MYO15A: variants seen among roughly 807,000 people sequenced by gnomAD.
MYO15A encodes unconventional myosin-XV.
Under a neutral mutation model 394.6 loss-of-function variants are expected in MYO15A, and 308 were observed. The ratio of observed to expected loss-of-function variants is 0.78; its 90% CI spans 0.71 to 0.86. The LOEUF is 0.86. Among genes scored for constraint, MYO15A ranks in the 40% least tolerant of loss-of-function variants. The probability of loss-of-function intolerance (pLI) is 0.00; values close to 1 mark genes in which losing one functional copy is unlikely to be tolerated. For synonymous variants in MYO15A, 1,957 were observed against 2,003.8 expected (o/e 0.98, Z 0.62); for missense variants, 4,606 against 4,799.1 (o/e 0.96, Z 1.19).
intron 12 of MYO15A, among the ~76,000 whole-genome samples, chr17:18,134,963 C>T (rs1255843436): frequency 6.6e-6 from 1 of 152,112 alleles, no homozygotes. Flanking sequence ...TCACTGCAGC[C>T]TCAACCTCCT....
At position 18,158,616 on chromosome 17, in the gene MYO15A, C is replaced by T. The variant is rs1567658710; in HGVS notation, c.9061C>T (p.Arg3021Ter). The part of the protein sequence containing the change: ...TMLEFAQKYF[R>*]DPQRRPQDGL... ...GCTCGAGTTTGCCCAGAAGTATTTC[C>T]GAGACCCTCAGAGGAGACCCCAGTG... Residue 3021 changes from arginine to a stop codon, truncating the protein, a stop_gained, in exon 52 of 66, where the codon CGA becomes TGA. Transcript: ENST00000647165. LOFTEE classifies it high-confidence loss of function. 1 of 1,614,178 alleles carries T rather than the reference C, an allele frequency of 6.2e-7. No homozygotes were observed. Among genetic ancestry groups the T allele is most frequent in the Non-Finnish European group, 8.5e-7 (1 of 1,180,012 alleles).
At position 18,118,645 on chromosome 17, in the gene MYO15A, G is replaced by A. The variant is rs935175184; in HGVS notation, c.-156G>A. On this transcript the variant is annotated 5_prime_UTR_variant, in exon 2 of 66. Coordinates refer to ENST00000647165, the MANE Select transcript of MYO15A (RefSeq NM_016239.4). ...ATCCGCCCTCCCGGAATCCTGGCTC[G>A]GCCCTCCCCACGCCACCCAGGGCCA... The A allele has an allele frequency of 2.7e-6, 3 of 1,130,336 alleles. No individual in the cohort carries two copies. The highest frequency in any genetic ancestry group is 3.1e-5 in the African/African-American group (2 of 63,602). The allele number at this position is 1,130,336 out of a possible 1,614,324, so 70.0% of individuals were successfully genotyped here.
intron 33 of MYO15A, 26 bp from the exon 34 acceptor site, chr17:18,149,190 T>TAGC: frequency 6.2e-7 from 1 of 1,613,534 alleles, no homozygotes; most frequent in Non-Finnish European, 8.5e-7. Context: ...TGGGGGTCAG[T>TAGC]AGCTCCATGT....
At position 18,137,581 on chromosome 17, in the gene MYO15A, C is replaced by A; in HGVS notation, c.4780-3C>A. ...AGTCCCAGCACCCCCATCCACCTGG[C>A]AGGACCTGAGCTTCAACAGCTTTGA... On this transcript the variant is annotated splice_polypyrimidine_tract_variant and splice_region_variant and intron_variant, in intron 15 of 65. Transcript: ENST00000647165. The A allele has an allele frequency of 5.6e-6, 9 of 1,613,346 alleles. No homozygotes were observed. Among genetic ancestry groups the A allele is most frequent in the Non-Finnish European group, 6.8e-6 (8 of 1,179,892 alleles).
At chr17:18,162,320 G>T (rs1311002445) in intron 57 of MYO15A, among the ~76,000 whole-genome samples, 1 of 152,162 alleles carries the variant, frequency 6.6e-6, no homozygotes, top group Non-Finnish European at 1.5e-5. Flanking sequence ...AGGCGTATAG[G>T]TTGCCAAGGG....
chr17:18,133,071 CA>C (rs1282227180), intron 11 of MYO15A, among the ~76,000 whole-genome samples, 153 bp from the exon 12 acceptor site: 1 of 152,236 alleles, frequency 6.6e-6, no homozygotes, highest in Admixed American at 6.5e-5. Flanking sequence ...ACTCCGTCCT[CA>C]GCCGTGCTCA....
At position 18,120,477 on chromosome 17, in the gene MYO15A, TGA is replaced by T. The variant is rs1226470120; in HGVS notation, c.1679_1680del (p.Glu560ValfsTer419). The T allele has an allele frequency of 6.4e-7, 1 of 1,574,506 alleles. No homozygotes were observed. Among genetic ancestry groups the T allele is most frequent in the Admixed American group, 1.8e-5 (1 of 54,676 alleles). ...CCCACCGGGGCCTGGGCTTCGGCCC[TGA>T]GTTTGGCCGCCCCGTGCCTCGCCCT... Reference protein sequence around the residue: ...GAHRGLGFGPEFGRPVPRPAT... With the variant: ...GAHRGLGFGPXFGRPVPRPAT... On this transcript the variant is annotated frameshift_variant, in exon 2 of 66. Coordinates refer to ENST00000647165, the MANE Select transcript of MYO15A (RefSeq NM_016239.4). LOFTEE classifies it high-confidence loss of function.
Position 18,149,388 on chromosome 17 carries a change from A to G in MYO15A, c.7117+12A>G. The stretch of plus-strand genomic sequence containing the variant: ...AGCAACCCACCAAGGTCAACCAACA[A>G]TGGCTGCTGTCTCTGGTGGGGAGGG... On this transcript the variant is annotated intron_variant, in intron 34 of 65. Coordinates refer to ENST00000647165, the MANE Select transcript of MYO15A (RefSeq NM_016239.4). The G allele has an allele frequency of 6.2e-7, 1 of 1,607,220 alleles. No homozygotes were observed. The highest frequency in any genetic ancestry group is 1.1e-5 in the South Asian group (1 of 90,184).
chr17:18,141,714 G>A lies in MYO15A; in HGVS notation c.5593G>A (p.Val1865Met), dbSNP rs374755262. ...LPANGDMCVS[V>M]LSRLCKVMPN... Reference sequence around the variant, plus strand: ...GGCTAATGGGGACATGTGTGTGTCAGTGCTGAGTCGCCTGTGCAAAGTCAT... The same window carrying A: ...GGCTAATGGGGACATGTGTGTGTCAATGCTGAGTCGCCTGTGCAAAGTCAT... Residue 1865 changes from valine to methionine, a missense_variant, in exon 23 of 66, where the codon GTG becomes ATG. Physicochemically the swap from Val to Met is conservative, Grantham distance 21. Around this residue, in one of 2 missense-constraint regions of MYO15A, gnomAD observed 2,776 missense variants for 3,109.3 expected, o/e 0.89. Transcript: ENST00000647165. 3.7e-6 allele frequency: 6 copies of A among 1,614,024 alleles called. No individual in the cohort carries two copies. The highest frequency in any genetic ancestry group is 1.3e-5 in the African/African-American group (1 of 74,936).
intron 64 of MYO15A, among the ~76,000 whole-genome samples, chr17:18,173,278 G>A (rs1373985278): frequency 2.0e-5 from 3 of 152,162 alleles, no homozygotes; most frequent in Non-Finnish European, 4.4e-5. Context: ...GTCCAAGTTT[G>A]CTTCCTGGGC....
chr17:18,119,264 C>T lies in MYO15A; in HGVS notation c.464C>T (p.Thr155Ile). The T allele has an allele frequency of 6.2e-7, 1 of 1,612,268 alleles. No individual in the cohort carries two copies. The highest frequency in any genetic ancestry group is 8.5e-7 in the Non-Finnish European group (1 of 1,179,866). The change falls in exon 2 of 66, where the codon ACA (threonine) becomes ATA (isoleucine). Residue 155 changes from threonine to isoleucine, a missense_variant. Thr to Ile is a moderately conservative substitution (Grantham distance 89). Transcript: ENST00000647165. The stretch of plus-strand genomic sequence containing the variant: ...GAGGAGTCGGGCAGCGAACAGGCCA[C>T]AGTGGACGCCTGGCTGCAGCGCTCG... ...KAEESGSEQA[T>I]VDAWLQRSSS...
rs1436417783 is a variant in MYO15A, at chr17:18,156,983, C to A, written c.8631C>A (p.Asn2877Lys). The A allele has an allele frequency of 1.9e-6, 3 of 1,614,092 alleles. No individual in the cohort carries two copies. The highest frequency in any genetic ancestry group is 1.7e-6 in the Non-Finnish European group (2 of 1,180,048). The stretch of plus-strand genomic sequence containing the variant: ...CTGACTACGTGGTCGCTGTGAGGAA[C>A]TTCCTGCCTGAGGACCCTGCGCTGC... ...KDSDYVVAVR[N>K]FLPEDPALLA... Residue 2877 changes from asparagine (N) to lysine (K), a missense_variant, in exon 49 of 66, where the codon AAC (asparagine) becomes AAA (lysine). Asn to Lys is a moderately conservative substitution (Grantham distance 94). Coordinates refer to ENST00000647165, the MANE Select transcript of MYO15A (RefSeq NM_016239.4).
intron 57 of MYO15A, 80 bp downstream of exon 57, chr17:18,161,527 C>T (rs1353897155): frequency 2.5e-6 from 4 of 1,584,616 alleles, no homozygotes; most frequent in Non-Finnish European, 3.4e-6. Flanking sequence ...GGAGGGGAAA[C>T]CCAGAGGGCC....
chr17:18,136,285 A>C (rs2046268917), intron 13 of MYO15A, 132 bp from the exon 14 acceptor site: 2 of 1,133,478 alleles, frequency 1.8e-6, no homozygotes, highest in Admixed American at 1.9e-5. Context: ...GGTCCTGCCT[A>C]GTCTCTGTGT....
intron 45 of MYO15A, 39 bp downstream of exon 45, chr17:18,154,794 A>G (rs1396144860): frequency 1.9e-6 from 3 of 1,599,670 alleles, no homozygotes; most frequent in Non-Finnish European, 2.6e-6. Context: ...TGGGGCAACC[A>G]GTCAGAGGCA....
chr17:18,172,076 A>G, intron 63 of MYO15A, 81 bp from the exon 64 acceptor site: 1 of 1,608,820 alleles, frequency 6.2e-7, no homozygotes, highest in East Asian at 2.2e-5. Context: ...CACAGCCCAG[A>G]GAAGCTATGC....
intron 1 of MYO15A, among the ~76,000 whole-genome samples, chr17:18,112,910 T>C (rs2045739719): frequency 6.6e-6 from 1 of 151,940 alleles, no homozygotes. Context: ...TGCAGTAGCA[T>C]GATCTCAGCT....
At chr17:18,131,947 C>T (rs147711207) in intron 10 of MYO15A, among the ~76,000 whole-genome samples, 14 of 152,222 alleles carry the variant, frequency 9.2e-5, no homozygotes, top group African/African-American at 2.9e-4. Flanking sequence ...TGTACTTTTC[C>T]CTGTCTCATA....
intron 52 of MYO15A, 43 bp from the exon 53 acceptor site, chr17:18,158,882 G>T: frequency 6.2e-7 from 1 of 1,609,706 alleles, no homozygotes; most frequent in Non-Finnish European, 8.5e-7. Context: ...ATGTAGCCAA[G>T]GCTTGGGCAG....
Sources: gnomAD v4.1 joint callset for allele counts (sites outside exome capture counted in the v4.1 genomes callset) on GRCh38, gnomAD v4.1.1 for gene constraint, gnomAD v4.1.1 regional missense constraint, MANE v1.5 for transcripts, NCBI Gene and HGNC (gene_info 2026-07-23, HGNC 2026-07-21) for gene names.